LHX4: variants seen among roughly 807,000 people sequenced by gnomAD.
LHX4 encodes the protein LIM homeobox 4.
Under a neutral mutation model 39.2 loss-of-function variants are expected in LHX4, and 16 were observed. The ratio of observed to expected loss-of-function variants is 0.41; its 90% CI spans 0.28 to 0.62. The LOEUF is 0.62. Among genes scored for constraint, LHX4 ranks in the 20% least tolerant of loss-of-function variants. LHX4 has a pLI of 0.33. For missense variants in LHX4, 439 were observed against 511.9 expected, an observed-to-expected ratio of 0.86 and a Z score of 1.37; for synonymous variants, 206 against 198.1, an observed-to-expected ratio of 1.04 and a Z score of -0.33.
In LHX4 at chr1:180,278,628, T is replaced by TCACA. The variant is rs1338574753; in HGVS notation, c.*4051_*4054dup. 2.6e-5 allele frequency: 4 copies of TCACA among 151,652 alleles called. No individual in the cohort carries two copies. Among genetic ancestry groups the TCACA allele is most frequent in the African/African-American group, 9.7e-5 (4 of 41,220 alleles). The allele number at this position is 151,652 out of a possible 1,614,324, so 9.4% of individuals were successfully genotyped here. On this transcript the variant is annotated 3_prime_UTR_variant, in exon 6 of 6. Coordinates refer to ENST00000263726, the MANE Select transcript of LHX4 (RefSeq NM_033343.4). The stretch of plus-strand genomic sequence containing the variant: ...TCTATTGCCCACCGAGAGGCAAGAA[T>TCACA]CACACCAACTTTCCCACTTGAGGAC...
At chr1:180,255,335 CAT>C (rs1232901806) in intron 2 of LHX4, among the ~76,000 whole-genome samples, 2 of 152,144 alleles carry the variant, frequency 1.3e-5, no homozygotes, top group African/African-American at 2.4e-5. Context: ...TACACACACA[CAT>C]GCACACATGC....
At position 180,234,098 on chromosome 1, in the gene LHX4, G is replaced by A. The variant is rs1664246285; in HGVS notation, c.76+3493G>A. Among the ~76,000 whole-genome samples the A allele has an allele frequency of 6.9e-6, 1 of 145,726 alleles. No homozygotes were observed. The highest frequency in any genetic ancestry group is 2.1e-4 in the South Asian group (1 of 4,658). ...GACAGGAGTTCACTCAAACGCTGGT[G>A]CTGTTCGCTCTTCTTTCCATTCCTG... On this transcript the variant is annotated intron_variant, in intron 1 of 5. Coordinates refer to ENST00000263726, the MANE Select transcript of LHX4 (RefSeq NM_033343.4). The surrounding 1 kb of genome is among the most constrained non-coding windows in gnomAD (Gnocchi z 4.8).
At chr1:180,255,587 G>C (rs1375050367) in intron 2 of LHX4, among the ~76,000 whole-genome samples, 1 of 152,234 alleles carries the variant, frequency 6.6e-6, no homozygotes, top group Non-Finnish European at 1.5e-5. Context: ...GTGGACATTT[G>C]AAAGATTCAA....
rs148391103 is a variant in LHX4 at position 180,243,853 on chromosome 1, C to T, written c.77-4432C>T. Among the ~76,000 whole-genome samples, 234 of 152,216 alleles carry T rather than the reference C, an allele frequency of 1.5e-3. 2 individuals carry two copies. The highest frequency in any genetic ancestry group is 0.015 in the South Asian group (72 of 4,812). On this transcript the variant is annotated intron_variant, in intron 1 of 5. Transcript: ENST00000263726. ...AATCCCTTGTTGCTGTACATGGAAT[C>T]GTGTTGAGACTCTCTCTGCCACAAT...
intron 2 of LHX4, among the ~76,000 whole-genome samples, chr1:180,252,684 A>G (rs187472021): frequency 1.4e-4 from 21 of 152,310 alleles, no homozygotes; most frequent in Admixed American, 2.6e-4. Context: ...GCAGATCAAT[A>G]CGGAGATACG....
At position 180,232,343 on chromosome 1, in the gene LHX4, G is replaced by A. The variant is rs1664202981; in HGVS notation, c.76+1738G>A. On this transcript the variant is annotated intron_variant, in intron 1 of 5. Coordinates refer to ENST00000263726, the MANE Select transcript of LHX4 (RefSeq NM_033343.4). The surrounding 1 kb of genome is among the most constrained non-coding windows in gnomAD (Gnocchi z 5.4). ...TCTCTGCTCTGACGGCCTTTCTTGT[G>A]ATGAGTGACACTCTGATTGTCTCAC... Among the ~76,000 whole-genome samples, 2 of 152,218 alleles carry A rather than the reference G, an allele frequency of 1.3e-5. 1 individual carries two copies. Among genetic ancestry groups the A allele is most frequent in the South Asian group, 4.1e-4 (2 of 4,832 alleles).
chr1:180,260,671 G>A (rs1352701106), intron 2 of LHX4, among the ~76,000 whole-genome samples: 3 of 151,780 alleles, frequency 2.0e-5, no homozygotes, highest in African/African-American at 4.9e-5. Flanking sequence ...ACATGTGTTG[G>A]GGTTAACACA....
chr1:180,272,050 C>T (rs1304491325), intron 5 of LHX4, 44 bp downstream of exon 5: 1 of 1,563,106 alleles, frequency 6.4e-7, no homozygotes, highest in Non-Finnish European at 8.7e-7. Flanking sequence ...TAGGAAAGTC[C>T]CCTGGGAATC....
rs116482990 is a variant in LHX4, at chr1:180,274,596, C to T, written c.*17C>T. 1.9e-4 allele frequency: 294 copies of T among 1,543,110 alleles called. 1 individual carries two copies. Among genetic ancestry groups the T allele is most frequent in the Non-Finnish European group, 2.5e-4 (292 of 1,147,816 alleles). On this transcript the variant is annotated 3_prime_UTR_variant, in exon 6 of 6. Coordinates refer to ENST00000263726, the MANE Select transcript of LHX4 (RefSeq NM_033343.4). ...CCTTTTTAAACTTCTCTCCTCCCCA[C>T]CCTACCTGCCCCCCTGGCTTGAGAG...
intron 2 of LHX4, among the ~76,000 whole-genome samples, chr1:180,252,621 T>C (rs1016898523): frequency 2.6e-5 from 4 of 152,214 alleles, no homozygotes; most frequent in African/African-American, 9.7e-5. Context: ...AGAGGGCCAC[T>C]GCTTTGCACA....
rs1167101772 is a variant in LHX4, at chr1:180,275,541, G to A, written c.*962G>A. 1 of 152,226 alleles carries A rather than the reference G, an allele frequency of 6.6e-6. No individual in the cohort carries two copies. The highest frequency in any genetic ancestry group is 1.5e-5 in the Non-Finnish European group (1 of 68,056). The allele number at this position is 152,226 out of a possible 1,614,324, so 9.4% of individuals were successfully genotyped here. ...CTTCCAGAGTTCCCCATCCCTTGTA[G>A]GGTGAAATATTTGGAGTCTGTTTTG... On this transcript the variant is annotated 3_prime_UTR_variant, in exon 6 of 6. Coordinates refer to ENST00000263726, the MANE Select transcript of LHX4 (RefSeq NM_033343.4).
rs2149268742 is a variant in LHX4 at position 180,274,295 on chromosome 1, C to A, written c.889C>A (p.Gln297Lys). ...GAGCTTCTCCATGGACGGGACAGGA[C>A]AATCCTATCAGGACTTGAGGGATGG... ...NGSFSMDGTG[Q>K]SYQDLRDGSP... The change falls in exon 6 of 6, where the codon CAA becomes AAA. Residue 297 changes from glutamine (Q) to lysine (K), a missense_variant. By Grantham distance (53) the Gln-to-Lys change is moderately conservative (BLOSUM62 1). Coordinates refer to ENST00000263726, the MANE Select transcript of LHX4 (RefSeq NM_033343.4). 1 of 1,614,208 alleles carries A rather than the reference C, an allele frequency of 6.2e-7. No homozygotes were observed. Among genetic ancestry groups the A allele is most frequent in the East Asian group, 2.2e-5 (1 of 44,878 alleles).
At chr1:180,256,494 C>T (rs1035278864) in intron 2 of LHX4, among the ~76,000 whole-genome samples, 1 of 152,212 alleles carries the variant, frequency 6.6e-6, no homozygotes, top group Admixed American at 6.5e-5. Flanking sequence ...GCCTCTCTCC[C>T]ACACACCCAT....
At chr1:180,271,564 G>A (rs1307142983) in intron 4 of LHX4, 30 bp downstream of exon 4, 2 of 1,613,354 alleles carry the variant, frequency 1.2e-6, no homozygotes, top group Non-Finnish European at 1.7e-6. Flanking sequence ...GTGCCCTCCG[G>A]GGATCCCAGG....
intron 1 of LHX4, among the ~76,000 whole-genome samples, chr1:180,231,120 G>A (rs975443946): frequency 3.0e-4 from 46 of 151,960 alleles, no homozygotes; most frequent in African/African-American, 1.0e-3. Context: ...GTGCGTGCCG[G>A]GTGAGTCCCC....
intron 1 of LHX4, among the ~76,000 whole-genome samples, chr1:180,242,870 C>A (rs540871929): frequency 1.1e-4 from 17 of 152,302 alleles, no homozygotes; most frequent in Non-Finnish European, 1.5e-5. Flanking sequence ...TCTTTAGTGA[C>A]TCCAAGCATC....
At chr1:180,268,293 C>T (rs1337439868) in intron 3 of LHX4, among the ~76,000 whole-genome samples, 1 of 152,182 alleles carries the variant, frequency 6.6e-6, no homozygotes, top group Non-Finnish European at 1.5e-5. Flanking sequence ...TCATCAGAGG[C>T]CTCATTTGGA....
chr1:180,268,341 GGGTGGTT>G (rs1050016044), intron 3 of LHX4, among the ~76,000 whole-genome samples: 1 of 152,194 alleles, frequency 6.6e-6, no homozygotes, highest in Non-Finnish European at 1.5e-5. Context: ...CTGATGTTGT[GGGTGGTT>G]CAAGAGACAA....
In LHX4 at chr1:180,257,380, C is replaced by T. The variant is rs535165541; in HGVS notation, c.248+8924C>T. Among the ~76,000 whole-genome samples, 5 of 152,308 alleles carry T rather than the reference C, an allele frequency of 3.3e-5. No homozygotes were observed. The East Asian group carries it at 9.6e-4, about 29-fold the overall frequency. ...AAAAGCAGATTGCTGAGGGGCTGTT[C>T]CCATGGGCTGGGAGGTATATGTGTG... On this transcript the variant is annotated intron_variant, in intron 2 of 5. Coordinates refer to ENST00000263726, the MANE Select transcript of LHX4 (RefSeq NM_033343.4).
Sources: gnomAD v4.1 joint callset for allele counts (sites outside exome capture counted in the v4.1 genomes callset) on GRCh38, gnomAD v4.1.1 for gene constraint, Gnocchi (gnomAD v3.1) non-coding constraint, MANE v1.5 for transcripts, NCBI Gene and HGNC (gene_info 2026-07-23, HGNC 2026-07-21) for gene names.